The following HYCC2 variants were observed in gnomAD, a reference collection of about 807,000 sequenced individuals.
HYCC2 encodes the protein hyccin PI4KA lipid kinase complex subunit 2, also known as hyccin 2.
At chr2:201,065,966 C>T in the HYCC2 span, among the ~76,000 whole-genome samples, 3 of 152,110 alleles carry the variant, frequency 2.0e-5, no homozygotes, top group African/African-American at 7.2e-5. Context: ...ACATTTGAGT[C>T]TTAAGTTTTA....
At chr2:200,996,332 T>C in the HYCC2 span, 1 of 152,204 alleles carries the variant, frequency 6.6e-6, no homozygotes, top group Admixed American at 6.5e-5. Flanking sequence ...ATTTTTTCTA[T>C]GGTAGAAATT....
At chr2:200,986,065 A>T in the HYCC2 span, among the ~76,000 whole-genome samples, 7 of 152,204 alleles carry the variant, frequency 4.6e-5, no homozygotes, top group Non-Finnish European at 8.8e-5. Flanking sequence ...TTTTATTGTT[A>T]TGTGTTTATA....
At chr2:201,070,372 G>A in the HYCC2 span, among the ~76,000 whole-genome samples, 83 of 152,192 alleles carry the variant, frequency 5.5e-4, no homozygotes, top group East Asian at 0.015. Flanking sequence ...ACTTTTTTCT[G>A]CCGGGCACGG....
At chr2:201,033,640 G>A in the HYCC2 span, among the ~76,000 whole-genome samples, 2 of 151,818 alleles carry the variant, frequency 1.3e-5, no homozygotes, top group South Asian at 2.1e-4. Context: ...TCCTGACCTC[G>A]TGATCTGCCC....
the HYCC2 span, among the ~76,000 whole-genome samples, chr2:201,068,060 G>A: frequency 1.4e-4 from 22 of 152,152 alleles, no homozygotes; most frequent in South Asian, 6.2e-4. Flanking sequence ...CGAGGCAGGC[G>A]GATCACCTGA....
At chr2:200,995,240 A>T in the HYCC2 span, among the ~76,000 whole-genome samples, 1 of 152,210 alleles carries the variant, frequency 6.6e-6, no homozygotes, top group Non-Finnish European at 1.5e-5. Flanking sequence ...TCAAAGTAAC[A>T]GCTAATTTAG....
At chr2:200,999,349 T>A in the HYCC2 span, among the ~76,000 whole-genome samples, 1 of 152,050 alleles carries the variant, frequency 6.6e-6, no homozygotes, top group South Asian at 2.1e-4. Context: ...AGCCATATAT[T>A]AACATGGTCA....
At chr2:201,013,479 C>CAAA in the HYCC2 span, among the ~76,000 whole-genome samples, 1 of 66,316 alleles carries the variant, frequency 1.5e-5, no homozygotes, top group Non-Finnish European at 3.3e-5. Context: ...CACTCCATTT[C>CAAA]AAAAAAAAAA....
chr2:201,062,939 T>C, the HYCC2 span: 1 of 939,674 alleles, frequency 1.1e-6, no homozygotes. Flanking sequence ...GTTAGAGGCC[T>C]GAACAACTAC....
At chr2:201,062,831 A>T in the HYCC2 span, among the ~76,000 whole-genome samples, 2 of 148,324 alleles carry the variant, frequency 1.3e-5, no homozygotes, top group Non-Finnish European at 3.0e-5. Flanking sequence ...AAATAATAAT[A>T]ATTATTAAAT....
At chr2:201,065,883 G>A in the HYCC2 span, among the ~76,000 whole-genome samples, 13 of 152,224 alleles carry the variant, frequency 8.5e-5, no homozygotes, top group African/African-American at 2.2e-4. Flanking sequence ...ATATTTGGAT[G>A]CTAATTAAAT....
the HYCC2 span, among the ~76,000 whole-genome samples, chr2:201,015,157 T>C: frequency 6.6e-6 from 1 of 152,354 alleles, no homozygotes; most frequent in East Asian, 1.9e-4. Context: ...GATGCTGTGC[T>C]ATTTTGCTTC....
chr2:201,057,874 A>C, the HYCC2 span, among the ~76,000 whole-genome samples: 151 of 152,322 alleles, frequency 9.9e-4, no homozygotes, highest in African/African-American at 3.3e-3. Flanking sequence ...CTATACCTGA[A>C]GAGACCAAAG....
the HYCC2 span, among the ~76,000 whole-genome samples, chr2:201,058,111 T>A: frequency 2.9e-3 from 436 of 152,170 alleles, 2 homozygotes; most frequent in African/African-American, 0.01. Flanking sequence ...CTACCCTCTA[T>A]CCTAACTACC....
chr2:201,009,026 T>C, the HYCC2 span: 1 of 1,613,984 alleles, frequency 6.2e-7, no homozygotes, highest in Non-Finnish European at 8.5e-7. Context: ...TATAAACAAC[T>C]CTGATGAGAT....
the HYCC2 span, among the ~76,000 whole-genome samples, chr2:200,992,732 T>C: frequency 6.6e-6 from 1 of 152,180 alleles, no homozygotes; most frequent in Non-Finnish European, 1.5e-5. Flanking sequence ...TTTGGCTTAT[T>C]TAAAAGTACT....
chr2:201,034,905 T>C, the HYCC2 span, among the ~76,000 whole-genome samples: 1 of 152,150 alleles, frequency 6.6e-6, no homozygotes, highest in Non-Finnish European at 1.5e-5. Context: ...AAAATTCTTT[T>C]CTTTAAGAAT....
the HYCC2 span, among the ~76,000 whole-genome samples, chr2:201,049,491 C>T: frequency 1.3e-5 from 2 of 151,438 alleles, no homozygotes; most frequent in Admixed American, 1.3e-4. Context: ...GCTGGGAATA[C>T]AGGCGCGTGC....
chr2:201,066,569 T>C, the HYCC2 span: 1 of 152,258 alleles, frequency 6.6e-6, no homozygotes, highest in East Asian at 1.9e-4. Context: ...GCTCAGTATC[T>C]AACTTGCCTC....
Sources: gnomAD v4.1 joint callset for allele counts (sites outside exome capture counted in the v4.1 genomes callset) on GRCh38, gnomAD v4.1.1 for gene constraint, MANE v1.5 for transcripts, NCBI Gene and HGNC (gene_info 2026-07-23, HGNC 2026-07-21) for gene names.